TSHZ3: variants seen among roughly 807,000 people sequenced by gnomAD.
TSHZ3 encodes teashirt homolog 3.
TSHZ3 carries 10 observed loss-of-function variants against 64.5 expected under a neutral mutation model. That is an observed-to-expected ratio of 0.16 (90% CI 0.10 to 0.26). TSHZ3 has a LOEUF of 0.26. TSHZ3 is among the 10% of genes least tolerant of loss of function. The pLI is 1.00. For synonymous variants in TSHZ3, 608 were observed against 593.1 expected (o/e 1.03, Z -0.36); for missense variants, 1,242 against 1,421.7 (o/e 0.87, Z 2.03).
intron 3 of TSHZ3, among the ~76,000 whole-genome samples, chr19:31,232,265 G>C (rs775288649): frequency 6.6e-6 from 1 of 152,140 alleles, no homozygotes; most frequent in African/African-American, 2.4e-5. Flanking sequence ...GGACATGTTT[G>C]ATGAGTAATT....
chr19:31,258,663 G>A (rs748888906), intron 1 of TSHZ3, among the ~76,000 whole-genome samples: 19 of 152,180 alleles, frequency 1.2e-4, no homozygotes, highest in Non-Finnish European at 2.2e-4. Context: ...TGCCTTGTCC[G>A]TGAAAGATGC....
At chr19:31,156,682 G>A (rs1471619839) in intron 5 of TSHZ3, among the ~76,000 whole-genome samples, 3 of 152,178 alleles carry the variant, frequency 2.0e-5, no homozygotes, top group Non-Finnish European at 4.4e-5. Context: ...AGGGTCATCA[G>A]TATCAAAGCC....
chr19:31,334,868 C>A (rs887693014), intron 1 of TSHZ3, among the ~76,000 whole-genome samples: 1 of 152,086 alleles, frequency 6.6e-6, no homozygotes, highest in African/African-American at 2.4e-5. Context: ...GAAATCCTGG[C>A]CAAAATGCAC....
intron 1 of TSHZ3, among the ~76,000 whole-genome samples, chr19:31,244,304 C>G (rs1345708812): frequency 6.6e-6 from 1 of 152,066 alleles, no homozygotes; most frequent in East Asian, 1.9e-4. Context: ...CCTCCCCACT[C>G]TCTCTCTTCC....
chr19:31,304,998 T>A (rs1976816719), intron 1 of TSHZ3, among the ~76,000 whole-genome samples: 1 of 152,210 alleles, frequency 6.6e-6, no homozygotes, highest in Non-Finnish European at 1.5e-5. Context: ...TATACAACCA[T>A]CTTAAGTTAG....
intron 1 of TSHZ3, among the ~76,000 whole-genome samples, chr19:31,261,426 C>A (rs1398608795): frequency 1.3e-5 from 2 of 152,144 alleles, no homozygotes; most frequent in Non-Finnish European, 2.9e-5. Context: ...ACAGGGCTGT[C>A]TCTCCCAAGG....
chr19:31,190,303 G>A (rs1048351825), intron 5 of TSHZ3, among the ~76,000 whole-genome samples: 1 of 152,110 alleles, frequency 6.6e-6, no homozygotes, highest in African/African-American at 2.4e-5. Context: ...CTTGGAGGGG[G>A]GAAAGAAAGC....
At chr19:31,263,038 T>C (rs1451634282) in intron 1 of TSHZ3, among the ~76,000 whole-genome samples, 1 of 152,218 alleles carries the variant, frequency 6.6e-6, no homozygotes, top group Non-Finnish European at 1.5e-5. Flanking sequence ...TCAGGACTAA[T>C]TGATGGCAGT....
chr19:31,328,190 C>A (rs765092572), intron 1 of TSHZ3, among the ~76,000 whole-genome samples: 1 of 152,216 alleles, frequency 6.6e-6, no homozygotes, highest in Non-Finnish European at 1.5e-5. Context: ...TTCATTTATA[C>A]AAGATCCACC....
chr19:31,228,389 G>C (rs991521938), intron 3 of TSHZ3, among the ~76,000 whole-genome samples: 2 of 151,922 alleles, frequency 1.3e-5, no homozygotes, highest in Admixed American at 1.3e-4. Flanking sequence ...AGCTAGGCAT[G>C]GTGGTGTGTG....
At chr19:31,178,419 T>C (rs1156499078) in intron 5 of TSHZ3, among the ~76,000 whole-genome samples, 1 of 152,210 alleles carries the variant, frequency 6.6e-6, no homozygotes, top group Non-Finnish European at 1.5e-5. Flanking sequence ...CGGTTGGGCA[T>C]GGTGGTTCAT....
Position 31,279,782 on chromosome 19 carries a change from C to G in TSHZ3, c.41-30G>C. ...CATGATAACAGGTGGGAAAGAGAGA[C>G]AGGTAGGATGGAATGAAGAGAGACA... On this transcript the variant is annotated intron_variant, in intron 1 of 1. Coordinates refer to ENST00000240587, the MANE Select transcript of TSHZ3 (RefSeq NM_020856.4). This position sits in a 1 kb window ranked among gnomAD's most constrained non-coding sequence, Gnocchi z 6.4. The G allele has an allele frequency of 6.9e-7, 1 of 1,453,350 alleles. No homozygotes were observed. The highest frequency in any genetic ancestry group is 9.1e-7 in the Non-Finnish European group (1 of 1,102,690). The allele number at this position is 1,453,350 out of a possible 1,614,324, so 90.0% of individuals were successfully genotyped here. A position where few individuals can be genotyped will look rare whatever the true frequency, so the allele number is the denominator to read the frequency against.
chr19:31,342,057 G>A (rs1465652123), intron 1 of TSHZ3, among the ~76,000 whole-genome samples: 2 of 152,190 alleles, frequency 1.3e-5, no homozygotes, highest in South Asian at 4.1e-4. Flanking sequence ...TTTAGCAGGA[G>A]TATTACAATA....
intron 5 of TSHZ3, among the ~76,000 whole-genome samples, chr19:31,176,038 G>A (rs980191087): frequency 6.6e-6 from 1 of 152,248 alleles, no homozygotes; most frequent in African/African-American, 2.4e-5. Flanking sequence ...GGGTCTGAGG[G>A]GAAAGTTCTG....
At chr19:31,166,306 GAT>G (rs1974451251) in intron 5 of TSHZ3, among the ~76,000 whole-genome samples, 1 of 152,224 alleles carries the variant, frequency 6.6e-6, no homozygotes, top group African/African-American at 2.4e-5. Context: ...GAAAATATGA[GAT>G]AAGTTCTTAA....
chr19:31,150,485 G>A lies in TSHZ3; in HGVS notation n.2131C>T, dbSNP rs143547787. The stretch of plus-strand genomic sequence containing the variant: ...CATCCACGTGTCTTCTGGCCACATC[G>A]CATGACATGCATCTGCCCTTTTCAT... On this transcript the variant is annotated non_coding_transcript_exon_variant, in exon 7 of 7. Coordinates refer to the TSHZ3 transcript ENST00000651361. Among the ~76,000 whole-genome samples, 328 of 152,310 alleles carry A rather than the reference G, an allele frequency of 2.2e-3. 1 individual carries two copies. Among genetic ancestry groups the A allele is most frequent in the African/African-American group, 7.5e-3 (313 of 41,584 alleles).
At chr19:31,347,965 C>G (rs974848043) in intron 1 of TSHZ3, among the ~76,000 whole-genome samples, 12 of 152,166 alleles carry the variant, frequency 7.9e-5, no homozygotes, top group African/African-American at 2.7e-4. Flanking sequence ...AGCCAATGCC[C>G]TGACCCTACT....
intron 1 of TSHZ3, among the ~76,000 whole-genome samples, chr19:31,292,741 TCCATCC>T (rs1387456600): frequency 5.7e-5 from 5 of 87,044 alleles, no homozygotes; most frequent in African/African-American, 1.5e-4. Flanking sequence ...CATCCATCCA[TCCATCC>T]ATCCATCCAT....
At chr19:31,284,810 T>C (rs1209175049) in intron 1 of TSHZ3, among the ~76,000 whole-genome samples, 1 of 152,172 alleles carries the variant, frequency 6.6e-6, no homozygotes, top group Non-Finnish European at 1.5e-5. Context: ...ACCCCAGTTA[T>C]CAGCCGCAAC....
Sources: allele counts gnomAD v4.1 joint callset (sites outside exome capture counted in the v4.1 genomes callset), GRCh38; gene constraint gnomAD v4.1.1; non-coding constraint Gnocchi (gnomAD v3.1); transcripts MANE v1.5; gene names NCBI Gene and HGNC (gene_info 2026-07-23, HGNC 2026-07-21).